Variants in FAAH2 observed in about 807,000 individuals in gnomAD.
The protein encoded by FAAH2 is fatty-acid amide hydrolase 2.
Under a neutral mutation model 36.9 loss-of-function variants are expected in FAAH2, and 60 were observed. The observed-to-expected ratio is 1.63, with a 90% CI of 1.32 to 2.02. The LOEUF is 2.02. Among genes scored for constraint, FAAH2 ranks in the 30% most tolerant of loss-of-function variants. FAAH2 has a pLI of 0.00. For synonymous variants in FAAH2, 214 were observed against 143.8 expected (o/e 1.49, Z -3.49); for missense variants, 689 against 397.5 (o/e 1.73, Z -6.23).
At chrX:57,471,908 G>A (rs1489319566) in intron 10 of FAAH2, among the ~76,000 whole-genome samples, 1 of 111,024 alleles carries the variant, frequency 9.0e-6, no homozygotes, top group Non-Finnish European at 1.9e-5. Context: ...CAGACCAATG[G>A]AACAGAACAG....
the FAAH2 span, among the ~76,000 whole-genome samples, chrX:57,238,990 C>T: frequency 8.9e-6 from 1 of 112,124 alleles, no homozygotes; most frequent in Non-Finnish European, 1.9e-5. Flanking sequence ...AAATTACTTC[C>T]AACCATGGTG....
At chrX:57,245,485 C>T in the FAAH2 span, among the ~76,000 whole-genome samples, 1 of 111,787 alleles carries the variant, frequency 8.9e-6, no homozygotes, top group Non-Finnish European at 1.9e-5. Flanking sequence ...GAAAGTAAAA[C>T]ACTCCTCAGG....
At position 57,380,924 on chromosome X, in the gene FAAH2, C is replaced by A. The variant is rs772655324; in HGVS notation, c.891C>A (p.Asp297Glu). The A allele has an allele frequency of 2.5e-6, 3 of 1,177,655 alleles. No individual in the cohort carries two copies. In the East Asian group the frequency reaches 9.0e-5, roughly 35 times the overall value. Residue 297 changes from aspartate to glutamate, a missense_variant, in exon 7 of 11, where the codon GAC (aspartate) becomes GAA (glutamate). Coordinates refer to ENST00000374900, the MANE Select transcript of FAAH2 (RefSeq NM_174912.4). ...TAATCCTACACAGGTTAAAACTAGACACAAAGGTACATTTAAAAGACTTAA... is the reference window on the plus strand; with the variant it reads ...TAATCCTACACAGGTTAAAACTAGAAACAAAGGTACATTTAAAAGACTTAA... ...AGPGIKRLKL[D>E]TKVHLKDLKF...
intron 3 of FAAH2, among the ~76,000 whole-genome samples, chrX:57,314,809 A>T (rs904107379): frequency 1.6e-4 from 18 of 111,711 alleles, no homozygotes; most frequent in Non-Finnish European, 3.0e-4. Context: ...AAGTTTATAG[A>T]ACTAAATCCT....
chrX:57,375,204 T>C (rs1392071221), intron 5 of FAAH2, among the ~76,000 whole-genome samples: 1 of 109,996 alleles, frequency 9.1e-6, no homozygotes, highest in Non-Finnish European at 1.9e-5. Flanking sequence ...TTATGTCCTT[T>C]CTGGTTTTAG....
intron 5 of FAAH2, among the ~76,000 whole-genome samples, chrX:57,374,919 T>C (rs895238507): frequency 5.4e-5 from 6 of 111,780 alleles, no homozygotes; most frequent in Admixed American, 4.8e-4. Context: ...TAATCATGAA[T>C]GGATGCTGAA....
chrX:57,400,207 G>T (rs1216439936), intron 7 of FAAH2, among the ~76,000 whole-genome samples: 1 of 112,145 alleles, frequency 8.9e-6, no homozygotes, highest in African/African-American at 3.2e-5. Flanking sequence ...GTCTTCTTTA[G>T]CAATGAGTAT....
chrX:57,177,359 G>A, the FAAH2 span, among the ~76,000 whole-genome samples: 2 of 106,981 alleles, frequency 1.9e-5, no homozygotes, highest in African/African-American at 6.8e-5. Flanking sequence ...AGTAGAGAAA[G>A]ATTGTGACTG....
At chrX:57,213,701 G>T in the FAAH2 span, among the ~76,000 whole-genome samples, 2 of 111,975 alleles carry the variant, frequency 1.8e-5, no homozygotes, top group Non-Finnish European at 3.8e-5. Context: ...TACTTGGTAT[G>T]ATTTTGGTTT....
At chrX:57,232,798 G>A in the FAAH2 span, among the ~76,000 whole-genome samples, 8,353 of 111,808 alleles carry the variant, frequency 0.075, 771 homozygotes, top group African/African-American at 0.26. Flanking sequence ...AGCCTAGATG[G>A]AACAAGCACA....
At chrX:57,378,064 G>A (rs1248136955) in intron 5 of FAAH2, among the ~76,000 whole-genome samples, 1 of 111,403 alleles carries the variant, frequency 9.0e-6, no homozygotes, top group African/African-American at 3.3e-5. Flanking sequence ...ATCAAGAAAG[G>A]CCTTATAGTT....
the FAAH2 span, among the ~76,000 whole-genome samples, chrX:57,198,864 T>C: frequency 1.7e-3 from 187 of 112,357 alleles, 1 homozygote; most frequent in Non-Finnish European, 3.0e-3. Context: ...CCTTTCTTAA[T>C]CTGGATTTTC....
At chrX:57,171,619 T>A in the FAAH2 span, among the ~76,000 whole-genome samples, 1 of 111,831 alleles carries the variant, frequency 8.9e-6, no homozygotes, top group Non-Finnish European at 1.9e-5. Flanking sequence ...TTGGTTTTTT[T>A]ATTGCTGATT....
At chrX:57,280,650 C>CA in the FAAH2 span, among the ~76,000 whole-genome samples, 1,244 of 85,868 alleles carry the variant, frequency 0.014, 6 homozygotes, top group Middle Eastern at 0.035. Flanking sequence ...TTGGAAGCTT[C>CA]AAAAAAAAAA....
the FAAH2 span, among the ~76,000 whole-genome samples, chrX:57,203,453 C>T: frequency 7.2e-5 from 8 of 111,870 alleles, no homozygotes; most frequent in South Asian, 1.5e-3. Context: ...GAACATGTCA[C>T]GGTGCTGCAG....
chrX:57,229,047 C>T, the FAAH2 span: 1 of 111,312 alleles, frequency 9.0e-6, no homozygotes, highest in East Asian at 2.8e-4. Flanking sequence ...GAAGAAGCAA[C>T]ATCTAAGATG....
intron 8 of FAAH2, among the ~76,000 whole-genome samples, chrX:57,433,463 A>G (rs887615372): frequency 1.8e-5 from 2 of 112,113 alleles, no homozygotes; most frequent in African/African-American, 3.2e-5. Context: ...TTTTAATTAC[A>G]AACCTAATTT....
chrX:57,242,885 C>T, the FAAH2 span, among the ~76,000 whole-genome samples: 3 of 111,754 alleles, frequency 2.7e-5, no homozygotes, highest in Non-Finnish European at 5.6e-5. Flanking sequence ...AACCTAGTGA[C>T]GCCTGGAATG....
At chrX:57,183,344 A>G in the FAAH2 span, among the ~76,000 whole-genome samples, 2 of 106,871 alleles carry the variant, frequency 1.9e-5, no homozygotes, top group African/African-American at 7.0e-5. Flanking sequence ...ATTAGTAATT[A>G]ATACATTGAA....
Sources: gnomAD v4.1 joint callset for allele counts (sites outside exome capture counted in the v4.1 genomes callset) on GRCh38, gnomAD v4.1.1 for gene constraint, MANE v1.5 for transcripts, NCBI Gene and HGNC (gene_info 2026-07-23, HGNC 2026-07-21) for gene names.